Variants in GPHN observed in about 807,000 individuals in gnomAD.
GPHN encodes gephyrin.
In GPHN, 17 loss-of-function variants were observed where a neutral mutation model predicts 95.5. The observed-to-expected ratio is 0.18, with a 90% confidence interval of 0.12 to 0.27. The LOEUF (loss-of-function observed/expected upper bound fraction) is 0.27. Ranked by LOEUF, GPHN falls within the 10% of genes least tolerant of loss-of-function variation. The pLI is 1.00. For synonymous variants in GPHN, 320 were observed against 322.5 expected, an observed-to-expected ratio of 0.99 and a Z score of 0.08; for missense variants, 660 against 978.1, an observed-to-expected ratio of 0.67 and a Z score of 4.34.
At chr14:67,187,669 A>G in the GPHN span, among the ~76,000 whole-genome samples, 1 of 152,244 alleles carries the variant, frequency 6.6e-6, no homozygotes, top group South Asian at 2.1e-4. Context: ...TTCTTCCGTG[A>G]ACTTCATTTT....
At chr14:66,544,116 A>T (rs1007690070) in intron 1 of GPHN, among the ~76,000 whole-genome samples, 11 of 151,946 alleles carry the variant, frequency 7.2e-5, no homozygotes, top group African/African-American at 2.7e-4. Flanking sequence ...TAGTCTCTCC[A>T]CTTCAGCCAC....
chr14:67,215,038 GT>G, the GPHN span, among the ~76,000 whole-genome samples: 2 of 152,192 alleles, frequency 1.3e-5, no homozygotes, highest in African/African-American at 4.8e-5. Context: ...CTTTGCTGAA[GT>G]TGCTTGTCAG....
chr14:66,514,110 C>G (rs2058148020), intron 1 of GPHN, among the ~76,000 whole-genome samples: 1 of 151,906 alleles, frequency 6.6e-6, no homozygotes, highest in African/African-American at 2.4e-5. Context: ...ATCTAAGCCA[C>G]AGGAACAAAC....
intron 2 of GPHN, among the ~76,000 whole-genome samples, chr14:66,734,032 C>T (rs2072035437): frequency 6.6e-6 from 1 of 152,184 alleles, no homozygotes. Context: ...ATCTATTCTA[C>T]CATCACCCTG....
At chr14:67,360,316 A>AGGAGGTTCCGCATGCGC in the GPHN span, 2 of 398,220 alleles carry the variant, frequency 5.0e-6, no homozygotes, top group South Asian at 1.3e-4. Flanking sequence ...TGCGCATGCG[A>AGGAGGTTCCGCATGCGC]GGAGGTTCCG....
At chr14:67,591,089 A>G in the GPHN span, among the ~76,000 whole-genome samples, 58 of 152,330 alleles carry the variant, frequency 3.8e-4, no homozygotes, top group African/African-American at 1.4e-3. Flanking sequence ...TGTTAAAAAT[A>G]TATAAAAATA....
the GPHN span, among the ~76,000 whole-genome samples, chr14:67,524,624 G>A: frequency 6.6e-6 from 1 of 152,138 alleles, no homozygotes; most frequent in Non-Finnish European, 1.5e-5. Context: ...TCTCTTGAAA[G>A]TTGCGAGATG....
the GPHN span, chr14:67,576,383 G>A: frequency 1.3e-5 from 20 of 1,533,456 alleles, no homozygotes; most frequent in East Asian, 9.0e-5. This position sits in a 1 kb window ranked among gnomAD's most constrained non-coding sequence, Gnocchi z 4.0. Flanking sequence ...ATGGCTTTCC[G>A]CCCTCTTCCA....
the GPHN span, among the ~76,000 whole-genome samples, chr14:67,240,797 T>C: frequency 6.6e-6 from 1 of 152,236 alleles, no homozygotes; most frequent in African/African-American, 2.4e-5. Flanking sequence ...GAAATAGTTC[T>C]AGTCCTTGCT....
At chr14:66,641,032 G>A (rs990092248) in intron 1 of GPHN, among the ~76,000 whole-genome samples, 4 of 152,160 alleles carry the variant, frequency 2.6e-5, no homozygotes, top group Non-Finnish European at 5.9e-5. Flanking sequence ...TTAAATGGGA[G>A]GATGAAGCTA....
chr14:67,080,996 T>C (rs1223928180), intron 11 of GPHN, among the ~76,000 whole-genome samples: 1 of 152,220 alleles, frequency 6.6e-6, no homozygotes, highest in East Asian at 1.9e-4. Context: ...ACAATTTCTT[T>C]ATCCACTCAT....
At chr14:67,426,970 C>T in the GPHN span, among the ~76,000 whole-genome samples, 478 of 152,250 alleles carry the variant, frequency 3.1e-3, 1 homozygote, top group African/African-American at 0.011. Context: ...CCCAGGCCTC[C>T]GCAGGCTCCA....
At chr14:66,646,639 A>G (rs1445643651) in intron 1 of GPHN, among the ~76,000 whole-genome samples, 1 of 152,120 alleles carries the variant, frequency 6.6e-6, no homozygotes, top group Non-Finnish European at 1.5e-5. Flanking sequence ...AAGAAGACAA[A>G]TATTGTATAA....
chr14:66,920,385 C>T (rs2066154056), intron 6 of GPHN, among the ~76,000 whole-genome samples: 1 of 151,962 alleles, frequency 6.6e-6, no homozygotes, highest in African/African-American at 2.4e-5. Flanking sequence ...ACTGTGTCAC[C>T]CTGGCTGGAA....
At chr14:67,350,006 T>A in the GPHN span, among the ~76,000 whole-genome samples, 1 of 152,228 alleles carries the variant, frequency 6.6e-6, no homozygotes, top group Non-Finnish European at 1.5e-5. Flanking sequence ...GGAAGGCATT[T>A]AATTAAAACT....
At chr14:67,590,020 C>T in the GPHN span, 20 of 1,503,862 alleles carry the variant, frequency 1.3e-5, no homozygotes, top group Non-Finnish European at 1.7e-5. Context: ...GAAAACCAGC[C>T]CCTATGGCTT....
At chr14:67,546,585 T>C in the GPHN span, among the ~76,000 whole-genome samples, 8 of 152,158 alleles carry the variant, frequency 5.3e-5, no homozygotes, top group African/African-American at 1.7e-4. Flanking sequence ...AGATGGAGTT[T>C]CTCCATTTTG....
intron 2 of GPHN, among the ~76,000 whole-genome samples, chr14:66,691,656 A>G (rs551860970): frequency 3.6e-4 from 55 of 152,348 alleles, no homozygotes; most frequent in African/African-American, 1.3e-3. Context: ...AGTTGTAACA[A>G]GGATCATTTG....
intron 13 of GPHN, among the ~76,000 whole-genome samples, chr14:67,109,029 T>G (rs1227915278): frequency 6.6e-6 from 1 of 152,176 alleles, no homozygotes; most frequent in Non-Finnish European, 1.5e-5. Flanking sequence ...ACTACACACC[T>G]AGCCTACATG....
Sources: gnomAD v4.1 joint callset for allele counts (sites outside exome capture counted in the v4.1 genomes callset) on GRCh38, gnomAD v4.1.1 for gene constraint, Gnocchi (gnomAD v3.1) non-coding constraint, MANE v1.5 for transcripts, NCBI Gene and HGNC (gene_info 2026-07-23, HGNC 2026-07-21) for gene names.